FARP2: variants seen among roughly 807,000 people sequenced by gnomAD.
FARP2 encodes the protein FERM, ARHGEF and pleckstrin domain-containing protein 2.
In FARP2, 111 loss-of-function variants were observed where a neutral mutation model predicts 130.5. That is an observed-to-expected ratio of 0.85 (90% CI 0.73 to 1.00). The LOEUF (loss-of-function observed/expected upper bound fraction) is 1.00, where lower values mean the gene tolerates loss of function less well. Among genes scored for constraint, FARP2 ranks in the 50% least tolerant of loss-of-function variants. The probability of loss-of-function intolerance (pLI) is 0.00; values close to 1 mark genes in which losing one functional copy is unlikely to be tolerated. For synonymous variants in FARP2, 504 were observed against 516.9 expected (o/e 0.98, Z 0.34); for missense variants, 1,385 against 1,346.3 (o/e 1.03, Z -0.45).
At chr2:241,436,620 G>C in intron 12 of FARP2, 82 bp downstream of exon 12, 1 of 1,113,520 alleles carries the variant, frequency 9.0e-7, no homozygotes, top group East Asian at 2.4e-5. Context: ...ATTGTAACAA[G>C]AGTCTTAAAA....
chr2:241,460,628 G>A (rs1379224034), intron 14 of FARP2, among the ~76,000 whole-genome samples: 2 of 152,170 alleles, frequency 1.3e-5, no homozygotes, highest in Non-Finnish European at 2.9e-5. Context: ...TGAAAGATGG[G>A]CTCAACCTTT....
chr2:241,407,820 A>C (rs1387744313), intron 5 of FARP2, among the ~76,000 whole-genome samples: 1 of 152,270 alleles, frequency 6.6e-6, no homozygotes, highest in Admixed American at 6.5e-5. Context: ...TAAGGTTTAC[A>C]GTACAAATTT....
intron 11 of FARP2, among the ~76,000 whole-genome samples, chr2:241,436,276 G>T (rs989736606): frequency 2.6e-5 from 4 of 151,952 alleles, no homozygotes; most frequent in Non-Finnish European, 4.4e-5. Flanking sequence ...CTTTAGTGTG[G>T]GTGTGTAATC....
rs1248801603 is a variant in FARP2, at chr2:241,373,268, C to G, written c.161C>G (p.Thr54Ser). Residue 54 changes from threonine (T) to serine (S), a missense_variant, in exon 2 of 27, where the codon ACC (threonine) becomes AGC (serine). Thr to Ser is a moderately conservative substitution (Grantham distance 58). Coordinates refer to ENST00000264042, the MANE Select transcript of FARP2 (RefSeq NM_014808.4). ...LHLRVKLLDNTMEIFDIEPKC... is the reference protein window; with the variant it reads ...LHLRVKLLDNSMEIFDIEPKC... ...CTCAGAGTAAAGCTGCTGGACAACA[C>G]CATGGAAATATTTGACATTGAGGTA... The G allele has an allele frequency of 4.0e-6, 6 of 1,490,946 alleles. No individual in the cohort carries two copies. The highest frequency in any genetic ancestry group is 5.4e-6 in the Non-Finnish European group (6 of 1,111,576). The allele number at this position is 1,490,946 out of a possible 1,614,324, so 92.4% of individuals were successfully genotyped here.
At chr2:241,434,034 CA>C (rs979850479) in intron 9 of FARP2, 123 bp from the exon 10 acceptor site, 210 of 756,080 alleles carry the variant, frequency 2.8e-4, no homozygotes, top group Middle Eastern at 3.9e-4. Context: ...GATCCTGTCT[CA>C]AAAAAAAACC....
intron 7 of FARP2, among the ~76,000 whole-genome samples, chr2:241,414,608 G>A (rs537372215): frequency 2.6e-5 from 4 of 152,304 alleles, no homozygotes; most frequent in African/African-American, 4.8e-5. Flanking sequence ...ACCTTACCCC[G>A]TAAGATTGTG....
At chr2:241,382,292 ATTTTTTTTTT>A (rs772855102) in intron 2 of FARP2, among the ~76,000 whole-genome samples, 2 of 126,278 alleles carry the variant, frequency 1.6e-5, no homozygotes, top group African/African-American at 5.9e-5. Context: ...TACAAAATCT[ATTTTTTTTTT>A]TTTTTTTTTT....
At chr2:241,488,182 G>A (rs975459207) in intron 21 of FARP2, 5 of 152,084 alleles carry the variant, frequency 3.3e-5, no homozygotes, top group Admixed American at 2.6e-4. Context: ...CAGAATGGTC[G>A]TATGGGCACT....
At chr2:241,384,538 T>C (rs1458276061) in intron 2 of FARP2, among the ~76,000 whole-genome samples, 1 of 152,230 alleles carries the variant, frequency 6.6e-6, no homozygotes, top group African/African-American at 2.4e-5. Flanking sequence ...CTAAAATATA[T>C]TTCTTTGAAA....
chr2:241,437,636 A>G (rs1160453904), intron 12 of FARP2, among the ~76,000 whole-genome samples: 1 of 143,146 alleles, frequency 7.0e-6, no homozygotes, highest in Non-Finnish European at 1.5e-5. Context: ...TCGCTGACAT[A>G]TACATATATA....
At chr2:241,376,916 T>C (rs544981273) in intron 2 of FARP2, among the ~76,000 whole-genome samples, 1 of 152,366 alleles carries the variant, frequency 6.6e-6, no homozygotes, top group South Asian at 2.1e-4. Flanking sequence ...GTATTGTATC[T>C]ACTTCTGTGC....
chr2:241,418,885 G>A (rs2062742626), intron 8 of FARP2, among the ~76,000 whole-genome samples: 1 of 152,146 alleles, frequency 6.6e-6, no homozygotes, highest in Non-Finnish European at 1.5e-5. Context: ...ACTTGTCTGG[G>A]CCCCTCCTTT....
At position 241,383,337 on chromosome 2, in the gene FARP2, A is replaced by G. The variant is rs79332940; in HGVS notation, c.183+10047A>G. Among the ~76,000 whole-genome samples the G allele has an allele frequency of 5.2e-3, 789 of 152,346 alleles. 4 individuals are homozygous for G. Among genetic ancestry groups the G allele is most frequent in the African/African-American group, 0.018 (743 of 41,592 alleles). ...GCAGGAGACATGGAGCTGCGCTCAG[A>G]TGGAGATCCACATCCCACACTCCCA... On this transcript the variant is annotated intron_variant, in intron 2 of 26. Coordinates refer to ENST00000264042, the MANE Select transcript of FARP2 (RefSeq NM_014808.4).
chr2:241,392,958 A>AG (rs2061943580), intron 2 of FARP2, among the ~76,000 whole-genome samples: 1 of 151,514 alleles, frequency 6.6e-6, no homozygotes, highest in Admixed American at 6.6e-5. Context: ...AGAAAAAAAA[A>AG]AAGCAGAAGT....
chr2:241,435,762 C>T (rs1438727533), intron 11 of FARP2, among the ~76,000 whole-genome samples: 3 of 151,800 alleles, frequency 2.0e-5, no homozygotes, highest in Non-Finnish European at 4.4e-5. Context: ...CCACCCGCCT[C>T]GGCCTCCCAA....
chr2:241,384,150 T>C (rs1214904038), intron 2 of FARP2, among the ~76,000 whole-genome samples: 1 of 151,936 alleles, frequency 6.6e-6, no homozygotes, highest in African/African-American at 2.4e-5. Context: ...ACAGCTTTTC[T>C]AAACTGTCAT....
intron 24 of FARP2, 148 bp from the exon 25 acceptor site, chr2:241,492,781 A>G (rs1353201110): frequency 1.7e-6 from 1 of 588,562 alleles, no homozygotes; most frequent in Non-Finnish European, 3.0e-6. Flanking sequence ...TTAAGTACTG[A>G]TAAAGCTGCT....
intron 14 of FARP2, among the ~76,000 whole-genome samples, chr2:241,457,965 C>T (rs2063907686): frequency 6.6e-6 from 1 of 152,088 alleles, no homozygotes; most frequent in Non-Finnish European, 1.5e-5. Flanking sequence ...GCAGTGTCCC[C>T]TATGGGTCTC....
At chr2:241,443,189 CCAT>C (rs2063432977) in intron 13 of FARP2, 1 of 195,068 alleles carries the variant, frequency 5.1e-6, no homozygotes, top group Non-Finnish European at 1.1e-5. Flanking sequence ...GGACAGTCAT[CCAT>C]TGCACTGGGG....
Sources: gnomAD v4.1 joint callset for allele counts (sites outside exome capture counted in the v4.1 genomes callset) on GRCh38, gnomAD v4.1.1 for gene constraint, MANE v1.5 for transcripts, NCBI Gene and HGNC (gene_info 2026-07-23, HGNC 2026-07-21) for gene names.